Variants in TRIM4 observed in about 807,000 individuals in gnomAD.
TRIM4 encodes tripartite motif containing 4.
TRIM4 carries 29 observed loss-of-function variants against 33.7 expected under a neutral mutation model. The observed-to-expected ratio is 0.86, with a 90% CI of 0.64 to 1.17. The LOEUF (loss-of-function observed/expected upper bound fraction) is 1.17. Ranked by LOEUF, TRIM4 falls within the 50% of genes most tolerant of loss-of-function variation. TRIM4 has a pLI of 0.00. For missense variants in TRIM4, 554 were observed against 593.7 expected (o/e 0.93, Z 0.69); for synonymous variants, 224 against 233.0 (o/e 0.96, Z 0.35).
rs1268227245 is a variant in TRIM4 at position 99,890,422 on chromosome 7, A to G, written c.*1741T>C. ...CAACCATAGAGACATATGCATGTAT[A>G]TATTCATTGCAGCACTATTCACAAT... On this transcript the variant is annotated 3_prime_UTR_variant, in exon 6 of 6. Transcript: ENST00000349062. 3 of 152,258 alleles carry G rather than the reference A, an allele frequency of 2.0e-5. No homozygotes were observed. The highest frequency in any genetic ancestry group is 3.8e-4 in the East Asian group (2 of 5,204). 9.4% of individuals were successfully genotyped at this position (152,258 alleles called of 1,614,324 possible). A position where few individuals can be genotyped will look rare whatever the true frequency, so the allele number is the denominator to read the frequency against.
At chr7:99,910,880 A>C (rs1378306433) in intron 1 of TRIM4, among the ~76,000 whole-genome samples, 1 of 152,262 alleles carries the variant, frequency 6.6e-6, no homozygotes, top group East Asian at 1.9e-4. Context: ...GAAATGTTAG[A>C]GAAACACACA....
At chr7:99,893,197 G>A (rs945253172) in intron 5 of TRIM4, among the ~76,000 whole-genome samples, 1 of 152,138 alleles carries the variant, frequency 6.6e-6, no homozygotes, top group Non-Finnish European at 1.5e-5. Context: ...AACCCAGAAG[G>A]CGGAGGTTGT....
chr7:99,900,310 A>G (rs1819131002), intron 5 of TRIM4, among the ~76,000 whole-genome samples: 1 of 152,128 alleles, frequency 6.6e-6, no homozygotes, highest in South Asian at 2.1e-4. Flanking sequence ...CCTTCAACTG[A>G]TTAGATGAGG....
chr7:99,905,632 G>A (rs1284666709), intron 3 of TRIM4, among the ~76,000 whole-genome samples: 1 of 152,142 alleles, frequency 6.6e-6, no homozygotes, highest in Non-Finnish European at 1.5e-5. Context: ...CTACACACAA[G>A]AGATGCTGGT....
At position 99,891,234 on chromosome 7, in the gene TRIM4, C is replaced by G. The variant is rs550131286; in HGVS notation, c.*929G>C. ...GTAGATAAGAACTGGATTTTAATCC[C>G]AACACTGCCATTTACCAGCTGGCCA... On this transcript the variant is annotated 3_prime_UTR_variant, in exon 6 of 6. Transcript: ENST00000349062. 6.6e-6 allele frequency: 1 copy of G among 152,258 alleles called. No homozygotes were observed. Among genetic ancestry groups the G allele is most frequent in the South Asian group, 2.1e-4 (1 of 4,826 alleles). 9.4% of individuals were successfully genotyped at this position (152,258 alleles called of 1,614,324 possible). A position where few individuals can be genotyped will look rare whatever the true frequency, so the allele number is the denominator to read the frequency against.
At chr7:99,907,863 A>G (rs1584268809) in intron 3 of TRIM4, among the ~76,000 whole-genome samples, 1 of 152,206 alleles carries the variant, frequency 6.6e-6, no homozygotes, top group South Asian at 2.1e-4. Context: ...TTCACGTGAT[A>G]TGGAGGAAAG....
At chr7:99,901,674 G>C (rs939767488) in intron 5 of TRIM4, 1 of 156,246 alleles carries the variant, frequency 6.4e-6, no homozygotes, top group African/African-American at 2.4e-5. Flanking sequence ...GCTACTCAGT[G>C]CCCGTGAACT....
At chr7:99,906,478 C>T (rs1052556573) in intron 3 of TRIM4, among the ~76,000 whole-genome samples, 1 of 152,082 alleles carries the variant, frequency 6.6e-6, no homozygotes, top group Admixed American at 6.5e-5. Context: ...AGACGTGAGC[C>T]ACTGTACCTG....
At chr7:99,917,792 G>T (rs1420322606) in intron 1 of TRIM4, 11 of 982,894 alleles carry the variant, frequency 1.1e-5, no homozygotes, top group Non-Finnish European at 1.2e-5. Context: ...TTCTGCTGGA[G>T]ACCACTGGAG....
intron 4 of TRIM4, 32 bp from the exon 5 acceptor site, chr7:99,903,347 A>T (rs993081159): frequency 7.1e-6 from 11 of 1,542,320 alleles, no homozygotes; most frequent in Non-Finnish European, 8.0e-6. Flanking sequence ...CTCTTAGGGG[A>T]CAACTAGGGT....
chr7:99,900,490 GAATA>G (rs1240161883), intron 5 of TRIM4, among the ~76,000 whole-genome samples: 1 of 152,098 alleles, frequency 6.6e-6, no homozygotes, highest in African/African-American at 2.4e-5. Context: ...CTTTTTAAAG[GAATA>G]AATAATGACA....
intron 5 of TRIM4, among the ~76,000 whole-genome samples, chr7:99,896,744 C>A (rs1349372291): frequency 6.6e-6 from 1 of 152,222 alleles, no homozygotes; most frequent in Non-Finnish European, 1.5e-5. Context: ...ATGTGGGGCC[C>A]AATAGCCACT....
At chr7:99,906,886 G>C (rs921771911) in intron 3 of TRIM4, among the ~76,000 whole-genome samples, 1 of 152,102 alleles carries the variant, frequency 6.6e-6, no homozygotes, top group African/African-American at 2.4e-5. Flanking sequence ...ACAATAAAGA[G>C]CAGATATTAA....
intron 3 of TRIM4, 148 bp from the exon 4 acceptor site, chr7:99,903,746 T>C: frequency 1.2e-6 from 1 of 855,080 alleles, no homozygotes; most frequent in Non-Finnish European, 1.9e-6. Flanking sequence ...TGACAGAATC[T>C]GGTCCTTTCT....
At chr7:99,905,310 T>C (rs943230023) in intron 3 of TRIM4, among the ~76,000 whole-genome samples, 12 of 152,190 alleles carry the variant, frequency 7.9e-5, no homozygotes, top group African/African-American at 2.7e-4. Context: ...TGGTTTGGAA[T>C]CATCTACTAA....
Position 99,915,964 on chromosome 7 carries a change from T to C in TRIM4, c.393+3045A>G, listed in dbSNP as rs1332496548. 2.0e-5 allele frequency among the ~76,000 whole-genome samples: 3 copies of C among 152,200 alleles called. No individual in the cohort carries two copies. In the East Asian group the frequency reaches 5.8e-4, roughly 29 times the overall value. The stretch of plus-strand genomic sequence containing the variant: ...TCCTAGTTCTGTGACCTCGGGGGCA[T>C]GTAACCTCACATCTCTGTGGCACAG... On this transcript the variant is annotated intron_variant, in intron 1 of 5. Coordinates refer to ENST00000349062, the MANE Select transcript of TRIM4 (RefSeq NM_033091.3).
intron 3 of TRIM4, 150 bp from the exon 4 acceptor site, chr7:99,903,748 G>C (rs1819231354): frequency 1.2e-6 from 1 of 847,754 alleles, no homozygotes; most frequent in Non-Finnish European, 1.9e-6. Context: ...ACAGAATCTG[G>C]TCCTTTCTTT....
rs758729818 is a variant in TRIM4, at chr7:99,919,021, G to C, written c.381C>G (p.Phe127Leu). 1 of 1,591,188 alleles carries C rather than the reference G, an allele frequency of 6.3e-7. No individual in the cohort carries two copies. The highest frequency in any genetic ancestry group is 1.1e-5 in the South Asian group (1 of 87,946). The part of the protein sequence containing the change: ...THAMAPIDEA[F>L]ESYREKLLKS... ...ACGGCCAGCTCACCCGGTAGCTCTC[G>C]AAGGCCTCGTCGATGGGTGCCATGG... The change falls in exon 1 of 6, where the codon TTC becomes TTG. Residue 127 changes from phenylalanine (F) to leucine (L), a missense_variant. Physicochemically the swap from Phe to Leu is conservative, Grantham distance 22 (BLOSUM62 0). Transcript: ENST00000349062.
intron 5 of TRIM4, among the ~76,000 whole-genome samples, chr7:99,902,474 T>C (rs1480081363): frequency 6.6e-6 from 1 of 152,156 alleles, no homozygotes; most frequent in East Asian, 1.9e-4. Context: ...CTCGAACTCC[T>C]GACCTCAAAT....
Sources: allele counts gnomAD v4.1 joint callset (sites outside exome capture counted in the v4.1 genomes callset), GRCh38; gene constraint gnomAD v4.1.1; transcripts MANE v1.5; gene names NCBI Gene and HGNC (gene_info 2026-07-23, HGNC 2026-07-21).